DOCK4: variants seen among roughly 807,000 people sequenced by gnomAD.
DOCK4 encodes dedicator of cytokinesis protein 4.
DOCK4 carries 97 observed loss-of-function variants against 268.1 expected under a neutral mutation model. The ratio of observed to expected loss-of-function variants is 0.36; its 90% CI spans 0.31 to 0.43. The LOEUF is 0.43. Ranked by LOEUF, DOCK4 falls within the 20% of genes least tolerant of loss-of-function variation. The pLI, the probability that DOCK4 is intolerant of heterozygous loss-of-function variation, is 1.00. For synonymous variants in DOCK4, 954 were observed against 887.2 expected (o/e 1.08, Z -1.34); for missense variants, 2,145 against 2,455.7 (o/e 0.87, Z 2.67).
intron 12 of DOCK4, among the ~76,000 whole-genome samples, chr7:111,916,771 T>C (rs2134540431): frequency 6.6e-6 from 1 of 152,216 alleles, no homozygotes; most frequent in Non-Finnish European, 1.5e-5. Flanking sequence ...GTTTATCTTC[T>C]TATGTTTTAA....
chr7:112,001,696 G>C (rs569255200), intron 2 of DOCK4, among the ~76,000 whole-genome samples: 2 of 152,256 alleles, frequency 1.3e-5, no homozygotes, highest in African/African-American at 4.8e-5. Flanking sequence ...ACAGAATATT[G>C]TTATAATTAT....
rs115237598 is a variant in DOCK4, at chr7:111,958,811, G to T, written c.702-13013C>A. On this transcript the variant is annotated intron_variant, in intron 8 of 52. Coordinates refer to ENST00000428084, the MANE Select transcript of DOCK4 (RefSeq NM_001363540.2). ...AAGCTACAGAGAAAAAAGTGAATCA[G>T]TTCTACCCTGGGTGCTCTCAGTATG... 5.4e-3 allele frequency among the ~76,000 whole-genome samples: 828 copies of T among 152,250 alleles called. 11 individuals are homozygous for T. Among genetic ancestry groups the T allele is most frequent in the African/African-American group, 0.019 (778 of 41,540 alleles).
intron 1 of DOCK4, among the ~76,000 whole-genome samples, chr7:112,077,756 G>A (rs1185857140): frequency 6.6e-6 from 1 of 151,980 alleles, no homozygotes; most frequent in Non-Finnish European, 1.5e-5. Context: ...GAAAGCACTG[G>A]ATAATACAGC....
At chr7:112,106,996 C>T (rs937847001) in intron 1 of DOCK4, among the ~76,000 whole-genome samples, 3 of 152,196 alleles carry the variant, frequency 2.0e-5, no homozygotes, top group Admixed American at 2.0e-4. Context: ...GGCTATAGAT[C>T]ATTTCCATAA....
intron 12 of DOCK4, among the ~76,000 whole-genome samples, chr7:111,921,409 TCA>T (rs1793127201): frequency 1.3e-5 from 2 of 152,192 alleles, no homozygotes; most frequent in Admixed American, 1.3e-4. Flanking sequence ...CCTTTTAAAT[TCA>T]TGAAATTCTG....
Position 111,728,486 on chromosome 7 carries a change from T to C in DOCK4, c.5716A>G (p.Ser1906Gly). The change falls in exon 53 of 53, where the codon AGC becomes GGC. Residue 1906 changes from serine to glycine, a missense_variant. Around this residue, in one of 2 missense-constraint regions of DOCK4, gnomAD observed 547 missense variants for 469.0 expected, o/e 1.17. Coordinates refer to ENST00000428084, the MANE Select transcript of DOCK4 (RefSeq NM_001363540.2). ...YGGEEPVRKE[S>G]KTPPPYSVYE... ...ACGCTGTACGGGGGCGGAGTCTTGC[T>C]CTCCTTGCGCACTGGCTCCTCCCCG... 6.2e-7 allele frequency: 1 copy of C among 1,612,894 alleles called. No individual in the cohort carries two copies. The highest frequency in any genetic ancestry group is 1.1e-5 in the South Asian group (1 of 91,018).
chr7:112,167,168 C>T (rs374757421), intron 1 of DOCK4, among the ~76,000 whole-genome samples: 100 of 152,320 alleles, frequency 6.6e-4, no homozygotes, highest in African/African-American at 2.3e-3. Context: ...TGCTATTCTT[C>T]GGGGAACAAA....
chr7:111,828,846 T>C (rs1350210757), intron 26 of DOCK4, among the ~76,000 whole-genome samples: 1 of 150,244 alleles, frequency 6.7e-6, no homozygotes, highest in Non-Finnish European at 1.5e-5. Context: ...TATACATCAA[T>C]ATAAATAATT....
rs186310123 is a variant in DOCK4 at position 111,935,672 on chromosome 7, A to C, written c.978-44T>G. 1.1e-5 allele frequency: 16 copies of C among 1,518,700 alleles called. 1 individual carries two copies. In the Admixed American group the frequency reaches 2.7e-4, roughly 26 times the overall value. The allele number at this position is 1,518,700 out of a possible 1,614,324, so 94.1% of individuals were successfully genotyped here. ...TCTGTTAAGCTTTAATGATGCATGC[A>C]GTCAAGCAGTGATCCTCATAGTACA... On this transcript the variant is annotated intron_variant, in intron 11 of 52. Coordinates refer to ENST00000428084, the MANE Select transcript of DOCK4 (RefSeq NM_001363540.2).
intron 23 of DOCK4, among the ~76,000 whole-genome samples, chr7:111,861,741 G>C (rs1805537912): frequency 1.0e-5 from 1 of 98,458 alleles, no homozygotes; most frequent in South Asian, 2.7e-4. Context: ...GCAAGACTCA[G>C]TCTCAAAAAA....
chr7:111,959,746 T>C (rs910295127), intron 8 of DOCK4, among the ~76,000 whole-genome samples: 2 of 152,358 alleles, frequency 1.3e-5, no homozygotes, highest in African/African-American at 4.8e-5. Flanking sequence ...TTAGATTGTA[T>C]CAGCCTCACC....
At chr7:111,840,986 C>G (rs113638056) in intron 25 of DOCK4, 17 of 452,878 alleles carry the variant, frequency 3.8e-5, no homozygotes, top group African/African-American at 3.3e-4. Flanking sequence ...AACAACAATA[C>G]CTGAAGCACG....
chr7:111,817,421 T>C (rs1801639700), intron 27 of DOCK4, among the ~76,000 whole-genome samples: 1 of 151,330 alleles, frequency 6.6e-6, no homozygotes, highest in Non-Finnish European at 1.5e-5. Flanking sequence ...CTTCCTGTTA[T>C]TATGGATAAA....
At chr7:112,093,450 G>T (rs980983103) in intron 1 of DOCK4, among the ~76,000 whole-genome samples, 3 of 151,992 alleles carry the variant, frequency 2.0e-5, no homozygotes, top group African/African-American at 4.8e-5. Context: ...CATTTAAAGG[G>T]GGGGGGAAAC....
chr7:111,856,495 A>C (rs556229120), intron 23 of DOCK4, among the ~76,000 whole-genome samples: 19 of 152,264 alleles, frequency 1.2e-4, no homozygotes, highest in Non-Finnish European at 2.5e-4. Context: ...GGTTAAGAAC[A>C]TCCACTTAAA....
chr7:111,847,709 T>A (rs6950925), intron 23 of DOCK4, among the ~76,000 whole-genome samples: 1 of 152,204 alleles, frequency 6.6e-6, no homozygotes, highest in Non-Finnish European at 1.5e-5. Flanking sequence ...TCTGCCACCA[T>A]GTAAGATGTG....
intron 1 of DOCK4, among the ~76,000 whole-genome samples, chr7:112,090,955 T>C (rs1026438325): frequency 6.6e-6 from 1 of 152,174 alleles, no homozygotes; most frequent in African/African-American, 2.4e-5. Context: ...CCCCTGACTC[T>C]ACCGGGCTCA....
At chr7:111,840,036 T>A (rs1803555997) in intron 25 of DOCK4, among the ~76,000 whole-genome samples, 1 of 152,206 alleles carries the variant, frequency 6.6e-6, no homozygotes, top group African/African-American at 2.4e-5. Context: ...GTGGCCAAGA[T>A]GTACTTAGCT....
chr7:111,789,621 T>C (rs186968471), intron 31 of DOCK4, among the ~76,000 whole-genome samples: 1 of 152,382 alleles, frequency 6.6e-6, no homozygotes, highest in East Asian at 1.9e-4. Context: ...ATTCATCTAT[T>C]AGCTTTCTTG....
Sources: gnomAD v4.1 joint callset for allele counts (sites outside exome capture counted in the v4.1 genomes callset) on GRCh38, gnomAD v4.1.1 for gene constraint, gnomAD v4.1.1 regional missense constraint, MANE v1.5 for transcripts, NCBI Gene and HGNC (gene_info 2026-07-23, HGNC 2026-07-21) for gene names.